Variants in ANKRD44 observed in about 807,000 individuals in gnomAD.
ANKRD44 encodes the protein serine/threonine-protein phosphatase 6 regulatory ankyrin repeat subunit B.
ANKRD44 carries 35 observed loss-of-function variants against 116.0 expected under a neutral mutation model. That is an observed-to-expected ratio of 0.30 (90% CI 0.23 to 0.40). The LOEUF is 0.40. Among genes scored for constraint, ANKRD44 ranks in the 10% least tolerant of loss-of-function variants. The pLI is 1.00. For missense variants in ANKRD44, 1,014 were observed against 1,242.6 expected (o/e 0.82, Z 2.77); for synonymous variants, 435 against 461.8 (o/e 0.94, Z 0.74).
intron 1 of ANKRD44, chr2:197,199,204 C>T (rs1050207942): frequency 6.9e-6 from 1 of 144,962 alleles, no homozygotes; most frequent in Admixed American, 6.8e-5. Flanking sequence ...ATCTTCATGT[C>T]ATGAGAAAGA....
chr2:197,172,274 T>A (rs1473109482), intron 2 of ANKRD44, among the ~76,000 whole-genome samples: 1 of 152,120 alleles, frequency 6.6e-6, no homozygotes, highest in East Asian at 1.9e-4. Flanking sequence ...AGTGTTGGGA[T>A]TACAGGTGTG....
chr2:197,123,705 C>T (rs943170089), intron 6 of ANKRD44, among the ~76,000 whole-genome samples: 10 of 152,100 alleles, frequency 6.6e-5, no homozygotes, highest in African/African-American at 2.4e-4. Flanking sequence ...TTGTTCAATG[C>T]TTCAGGATCA....
chr2:197,089,695 CT>C (rs1348791137), intron 11 of ANKRD44, among the ~76,000 whole-genome samples: 1 of 152,206 alleles, frequency 6.6e-6, no homozygotes, highest in Non-Finnish European at 1.5e-5. Context: ...ATGTTTCACC[CT>C]GGAACACCCA....
chr2:197,081,824 C>G, intron 14 of ANKRD44, 99 bp from the exon 15 acceptor site: 1 of 937,312 alleles, frequency 1.1e-6, no homozygotes, highest in Non-Finnish European at 1.7e-6. Flanking sequence ...ATGATTTTTA[C>G]CCCAACCCAA....
At chr2:197,004,844 C>T (rs2076174491) in intron 21 of ANKRD44, among the ~76,000 whole-genome samples, 1 of 152,022 alleles carries the variant, frequency 6.6e-6, no homozygotes, top group South Asian at 2.1e-4. Flanking sequence ...AAAAAGAAAT[C>T]TGAATGTCAA....
At chr2:197,207,513 G>A (rs1366244715) in intron 1 of ANKRD44, among the ~76,000 whole-genome samples, 1 of 152,124 alleles carries the variant, frequency 6.6e-6, no homozygotes, top group Admixed American at 6.5e-5. Flanking sequence ...GGCCAGCAGA[G>A]AAAAACATAT....
At chr2:197,077,962 G>A (rs2077707632) in intron 16 of ANKRD44, 1 of 152,034 alleles carries the variant, frequency 6.6e-6, no homozygotes, top group Admixed American at 6.6e-5. Context: ...TTGAATAACA[G>A]AAATAATGGT....
At chr2:196,997,880 A>G (rs2076042914) in intron 25 of ANKRD44, among the ~76,000 whole-genome samples, 1 of 149,688 alleles carries the variant, frequency 6.7e-6, no homozygotes, top group Non-Finnish European at 1.5e-5. Context: ...ATACACATAT[A>G]TCTATTTATT....
chr2:196,982,173 T>C (rs2075806662), downstream of ANKRD44, among the ~76,000 whole-genome samples: 1 of 145,248 alleles, frequency 6.9e-6, no homozygotes, highest in African/African-American at 2.5e-5. Flanking sequence ...TTGAGAGTAA[T>C]ATACAGAAAG....
chr2:197,295,527 A>G (rs1348998709), intron 1 of ANKRD44, among the ~76,000 whole-genome samples: 2 of 152,230 alleles, frequency 1.3e-5, no homozygotes, highest in Non-Finnish European at 2.9e-5. Flanking sequence ...CTCACGGGCC[A>G]TTTAAAGCAG....
intron 25 of ANKRD44, 111 bp downstream of exon 25, chr2:196,998,226 G>T: frequency 1.3e-6 from 1 of 786,370 alleles, no homozygotes; most frequent in Non-Finnish European, 2.0e-6. Flanking sequence ...CTGGGAAAAT[G>T]TACATCTTAA....
At chr2:197,307,587 C>A (rs2084110780) in intron 1 of ANKRD44, among the ~76,000 whole-genome samples, 2 of 148,400 alleles carry the variant, frequency 1.3e-5, no homozygotes, top group Admixed American at 1.3e-4. Flanking sequence ...TTACACTGGT[C>A]TCTCCCTTTT....
At chr2:197,035,937 C>T (rs537672469) in intron 16 of ANKRD44, among the ~76,000 whole-genome samples, 72 of 152,194 alleles carry the variant, frequency 4.7e-4, no homozygotes, top group Non-Finnish European at 8.5e-4. Context: ...TGCCAAACCA[C>T]GCTGGACCCC....
At chr2:197,258,107 A>C (rs1170779577) in intron 1 of ANKRD44, among the ~76,000 whole-genome samples, 1 of 150,148 alleles carries the variant, frequency 6.7e-6, no homozygotes, top group Non-Finnish European at 1.5e-5. Context: ...TTATTTATTC[A>C]TTTATTTATT....
intron 18 of ANKRD44, among the ~76,000 whole-genome samples, chr2:197,010,299 C>CG (rs1281726588): frequency 1.3e-5 from 2 of 152,174 alleles, no homozygotes; most frequent in Non-Finnish European, 2.9e-5. Context: ...CTCAGCCCCA[C>CG]GGTCACCGAG....
At chr2:197,089,238 A>G (rs565686907) in intron 11 of ANKRD44, among the ~76,000 whole-genome samples, 1 of 152,344 alleles carries the variant, frequency 6.6e-6, no homozygotes, top group Non-Finnish European at 1.5e-5. Flanking sequence ...ACATGCCAAC[A>G]GCAGTGAAAG....
intron 2 of ANKRD44, among the ~76,000 whole-genome samples, chr2:197,165,727 ATCAGGAACCATTTAC>A (rs2080087882): frequency 2.6e-5 from 4 of 152,230 alleles, no homozygotes; most frequent in African/African-American, 4.8e-5. Context: ...CATATATAGC[ATCAGGAACCATTTAC>A]CCTAAGACCT....
intron 1 of ANKRD44, among the ~76,000 whole-genome samples, chr2:197,274,003 A>ATC (rs2082998941): frequency 2.6e-5 from 2 of 77,148 alleles, no homozygotes; most frequent in South Asian, 4.5e-4. Context: ...ATATATATAT[A>ATC]TATATATATA....
At chr2:197,233,008 T>A (rs1006484147) in intron 1 of ANKRD44, among the ~76,000 whole-genome samples, 3 of 152,242 alleles carry the variant, frequency 2.0e-5, no homozygotes, top group African/African-American at 7.2e-5. Flanking sequence ...GATTTGAGGC[T>A]TTATTGGAAT....
Sources: allele counts gnomAD v4.1 joint callset (sites outside exome capture counted in the v4.1 genomes callset), GRCh38; gene constraint gnomAD v4.1.1; transcripts MANE v1.5; gene names NCBI Gene and HGNC (gene_info 2026-07-23, HGNC 2026-07-21).